The following SETD1B variants were observed in gnomAD, a reference collection of about 807,000 sequenced individuals.
SETD1B encodes histone-lysine N-methyltransferase SETD1B.
SETD1B carries 7 observed loss-of-function variants against 148.0 expected under a neutral mutation model. The ratio of observed to expected loss-of-function variants is 0.05; its 90% CI spans 0.03 to 0.09. The LOEUF (loss-of-function observed/expected upper bound fraction) is 0.09, where lower values mean the gene tolerates loss of function less well. Ranked by LOEUF, SETD1B falls within the 10% of genes least tolerant of loss-of-function variation. SETD1B has a pLI of 1.00. For missense variants in SETD1B, 2,155 were observed against 2,729.9 expected, an observed-to-expected ratio of 0.79 and a Z score of 4.69; for synonymous variants, 1,361 against 1,186.5, an observed-to-expected ratio of 1.15 and a Z score of -3.02.
rs1383229420 is a variant in SETD1B at position 121,805,813 on chromosome 12, C to A, written c.274-22C>A. On this transcript the variant is annotated intron_variant, in intron 3 of 16. Transcript: ENST00000604567. The surrounding 1 kb of genome is among the most constrained non-coding windows in gnomAD (Gnocchi z 4.2). ...TAGGTTTAAACGTTCTTCAAACTCC[C>A]TTCCCCCTCGGCCCCTGCCAGATCG... The A allele has an allele frequency of 6.5e-7, 1 of 1,546,766 alleles. No individual in the cohort carries two copies.
Position 121,814,401 on chromosome 12 carries a change from C to G in SETD1B, c.2186C>G (p.Pro729Arg). 7.1e-7 allele frequency: 1 copy of G among 1,399,242 alleles called. No homozygotes were observed. The highest frequency in any genetic ancestry group is 2.6e-5 in the East Asian group (1 of 38,614). 86.7% of individuals were successfully genotyped at this position (1,399,242 alleles called of 1,614,324 possible). Residue 729 changes from proline (P) to arginine (R), a missense_variant, in exon 7 of 17, where the codon CCC (proline) becomes CGC (arginine). By Grantham distance (103) the Pro-to-Arg change is moderately radical. This residue lies in a region of SETD1B where 295 missense variants were observed against 303.8 expected (regional missense o/e 0.97). Transcript: ENST00000604567. Reference protein sequence around the residue: ...AHPAVTVPPPPLPAPPGVPPP... With the variant: ...AHPAVTVPPPRLPAPPGVPPP... ...CCTGCTGTGACAGTGCCCCCACCACCCTTGCCAGCGCCGCCTGGAGTCCCG... is the reference window on the plus strand; with the variant it reads ...CCTGCTGTGACAGTGCCCCCACCACGCTTGCCAGCGCCGCCTGGAGTCCCG...
At chr12:121,827,441 G>A in intron 13 of SETD1B, 78 bp from the exon 14 acceptor site, 1 of 1,447,896 alleles carries the variant, frequency 6.9e-7, no homozygotes, top group Non-Finnish European at 9.1e-7. Context: ...CACTGGGGAT[G>A]ACAGAGATCC....
In SETD1B at chr12:121,831,312, T is replaced by C. The variant is rs1324715302; in HGVS notation, c.*1073T>C. 1 of 151,958 alleles carries C rather than the reference T, an allele frequency of 6.6e-6. No homozygotes were observed. Among genetic ancestry groups the C allele is most frequent in the Non-Finnish European group, 1.5e-5 (1 of 67,998 alleles). 9.4% of individuals were successfully genotyped at this position (151,958 alleles called of 1,614,324 possible). A position where few individuals can be genotyped will look rare whatever the true frequency, so the allele number is the denominator to read the frequency against. On this transcript the variant is annotated 3_prime_UTR_variant, in exon 17 of 17. Transcript: ENST00000604567. The stretch of plus-strand genomic sequence containing the variant: ...CTCAACCTAAGAAGGCCAGAGCATA[T>C]TTATTTTCGGAGGGAGCAGATTACT...
In SETD1B at chr12:121,822,992, CCTGCCCCTCCCT is replaced by C. The variant is rs1031441641; in HGVS notation, c.4422_4433del (p.Pro1481_Leu1484del). The C allele has an allele frequency of 2.6e-6, 4 of 1,531,016 alleles. No homozygotes were observed. Among genetic ancestry groups the C allele is most frequent in the Admixed American group, 2.0e-5 (1 of 50,150 alleles). 94.8% of individuals were successfully genotyped at this position (1,531,016 alleles called of 1,614,324 possible). A position where few individuals can be genotyped will look rare whatever the true frequency, so the allele number is the denominator to read the frequency against. ...CCTCCCCGGTGCTCCTGGAGACGGG[CCTGCCCCTCCCT>C]CTGCCCCTTCCCCTGCCCTTGCCCT... is the stretch of plus-strand genomic sequence containing the variant. On this transcript the variant is annotated inframe_deletion, in exon 12 of 17. Coordinates refer to ENST00000604567, the MANE Select transcript of SETD1B (RefSeq NM_001353345.2).
upstream of SETD1B, chr12:121,800,726 C>T (rs1050672042): frequency 2.0e-5 from 3 of 147,990 alleles, no homozygotes; most frequent in African/African-American, 7.3e-5. Context: ...ATCAGGCCGC[C>T]GCGCCCGGCT....
intron 5 of SETD1B, among the ~76,000 whole-genome samples, chr12:121,809,322 C>G (rs1875899106): frequency 1.3e-5 from 2 of 152,316 alleles, no homozygotes; most frequent in South Asian, 4.1e-4. Flanking sequence ...AAGAAAATCC[C>G]AGCCTAAACC....
At chr12:121,797,850 A>G in the SETD1B span, 1 of 335,306 alleles carries the variant, frequency 3.0e-6, no homozygotes, top group Non-Finnish European at 5.9e-6. Context: ...GATATTAACA[A>G]TGTGAACCTC....
chr12:121,798,251 T>A, the SETD1B span, among the ~76,000 whole-genome samples: 1 of 152,184 alleles, frequency 6.6e-6, no homozygotes, highest in Admixed American at 6.5e-5. Context: ...CTTGACCCCA[T>A]CATGGAACAG....
In SETD1B at chr12:121,810,685, C is replaced by CGACGAG; in HGVS notation, c.1749_1754dup (p.Asp583_Glu584dup). 1.3e-6 allele frequency: 2 copies of CGACGAG among 1,550,666 alleles called. No homozygotes were observed. Among genetic ancestry groups the CGACGAG allele is most frequent in the East Asian group, 2.4e-5 (1 of 40,916 alleles). On this transcript the variant is annotated inframe_insertion, in exon 6 of 17. Coordinates refer to ENST00000604567, the MANE Select transcript of SETD1B (RefSeq NM_001353345.2). This position sits in a 1 kb window ranked among gnomAD's most constrained non-coding sequence, Gnocchi z 7.6. ...TCAGCCCAACACCCCTCCCAGACTC[C>CGACGAG]GACGAGGACGAGGAGCTCGACCTGG...
intron 16 of SETD1B, among the ~76,000 whole-genome samples, chr12:121,829,330 G>A (rs1389658108): frequency 6.6e-6 from 1 of 152,220 alleles, no homozygotes; most frequent in East Asian, 1.9e-4. Context: ...GGCCCCAGAA[G>A]TGGAGAGCAG....
intron 11 of SETD1B, among the ~76,000 whole-genome samples, chr12:121,820,342 G>A (rs1876509338): frequency 6.6e-6 from 1 of 152,258 alleles, no homozygotes. Flanking sequence ...TGCATGGCCA[G>A]TAGAACTTTC....
At chr12:121,798,808 C>T in the SETD1B span, among the ~76,000 whole-genome samples, 2 of 152,174 alleles carry the variant, frequency 1.3e-5, no homozygotes, top group African/African-American at 4.8e-5. Flanking sequence ...AGGAGGGGGG[C>T]TCCGAGACCA....
the SETD1B span, chr12:121,797,584 C>G: frequency 2.2e-6 from 1 of 456,578 alleles, no homozygotes; most frequent in Non-Finnish European, 4.4e-6. Context: ...GAGCACCCAA[C>G]AGCTCACTGA....
intron 13 of SETD1B, among the ~76,000 whole-genome samples, chr12:121,826,006 TGTTCTGGGTCTATA>T (rs1342443270): frequency 6.6e-6 from 1 of 152,162 alleles, no homozygotes; most frequent in African/African-American, 2.4e-5. Context: ...TACCGGGCAC[TGTTCTGGGTCTATA>T]GCAGTGAACA....
At chr12:121,793,641 A>T in the SETD1B span, 1 of 1,532,192 alleles carries the variant, frequency 6.5e-7, no homozygotes, top group Non-Finnish European at 8.7e-7. Context: ...CATTGCCCGG[A>T]GCCCGCAGCA....
chr12:121,810,301 C>G lies in SETD1B; in HGVS notation c.1356C>G (p.Pro452=). The G allele has an allele frequency of 6.5e-7, 1 of 1,543,012 alleles. No individual in the cohort carries two copies. Among genetic ancestry groups the G allele is most frequent in the Non-Finnish European group, 8.7e-7 (1 of 1,146,482 alleles). ...PLAKEKPGTP[P]GPPPPDTNSM... ...CCAAGGAGAAGCCAGGCACGCCACC[C>G]GGCCCGCCGCCCCCCGACACCAACA... is the stretch of plus-strand genomic sequence containing the variant. The change falls in exon 6 of 17, where the codon CCC becomes CCG. Residue 452 remains proline, a synonymous_variant. Coordinates refer to ENST00000604567, the MANE Select transcript of SETD1B (RefSeq NM_001353345.2). The surrounding 1 kb of genome is among the most constrained non-coding windows in gnomAD (Gnocchi z 7.6).
At chr12:121,798,572 C>T in the SETD1B span, among the ~76,000 whole-genome samples, 1 of 152,252 alleles carries the variant, frequency 6.6e-6, no homozygotes, top group Non-Finnish European at 1.5e-5. Context: ...GACACTCACC[C>T]AAGGTCACCA....
chr12:121,806,047 G>A lies in SETD1B; in HGVS notation c.486G>A (p.Gln162=). The A allele has an allele frequency of 1.3e-6, 2 of 1,551,704 alleles. No homozygotes were observed. The highest frequency in any genetic ancestry group is 1.7e-6 in the Non-Finnish European group (2 of 1,146,996). ...ATVRGAKDAV[Q]HLHSTSVMGN... ...TCCGGGGAGCCAAGGATGCCGTTCA[G>A]CACTTGCACAGCACTTCCGTCATGG... The change falls in exon 4 of 17, where the codon CAG becomes CAA. Residue 162 remains glutamine (Q), a synonymous_variant. Transcript: ENST00000604567.
chr12:121,794,878 C>T, the SETD1B span, among the ~76,000 whole-genome samples: 1 of 152,170 alleles, frequency 6.6e-6, no homozygotes, highest in Non-Finnish European at 1.5e-5. Context: ...TCTAACAAAA[C>T]CCCCAACAGC....
Sources: allele counts gnomAD v4.1 joint callset (sites outside exome capture counted in the v4.1 genomes callset), GRCh38; gene constraint gnomAD v4.1.1; regional missense constraint gnomAD v4.1.1; non-coding constraint Gnocchi (gnomAD v3.1); transcripts MANE v1.5; gene names NCBI Gene and HGNC (gene_info 2026-07-23, HGNC 2026-07-21).